Variants in COL18A1 observed in about 807,000 individuals in gnomAD.
The protein encoded by COL18A1 is collagen type XVIII alpha 1 chain, also known as collagen alpha-1(XVIII) chain.
COL18A1 carries 133 observed loss-of-function variants against 168.0 expected under a neutral mutation model. The ratio of observed to expected loss-of-function variants is 0.79; its 90% CI spans 0.69 to 0.91. COL18A1 has a LOEUF of 0.91. COL18A1 is among the 40% of genes least tolerant of loss of function. The pLI, the probability that COL18A1 is intolerant of heterozygous loss-of-function variation, is 0.00. For synonymous variants in COL18A1, 949 were observed against 809.0 expected (o/e 1.17, Z -2.94); for missense variants, 2,126 against 1,925.4 (o/e 1.10, Z -1.95).
intron 29 of COL18A1, chr21:45,496,159 T>C (rs2036537255): frequency 2.1e-6 from 1 of 469,770 alleles, no homozygotes; most frequent in Non-Finnish European, 4.0e-6. Flanking sequence ...CCCAAAGGTG[T>C]CCACTCTGCT....
In COL18A1 at chr21:45,509,589, C is replaced by A; in HGVS notation, c.3483C>A (p.Asp1161Glu). 6.6e-7 allele frequency: 1 copy of A among 1,506,098 alleles called. No individual in the cohort carries two copies. Among genetic ancestry groups the A allele is most frequent in the Non-Finnish European group, 8.9e-7 (1 of 1,125,112 alleles). 93.3% of individuals were successfully genotyped at this position (1,506,098 alleles called of 1,614,324 possible). The change falls in exon 39 of 42, where the codon GAC becomes GAA. Residue 1161 changes from aspartate to glutamate, a missense_variant. Asp to Glu is a conservative substitution (Grantham distance 45, BLOSUM62 2). Transcript: ENST00000651438. Reference protein sequence around the residue: ...PTSPPAHSHRDFQPVLHLVAL... With the variant: ...PTSPPAHSHREFQPVLHLVAL... ...GCCCACCCGCCCACAGCCACCGCGACTTCCAGCCGGTGGTGAGTGCCCCCC... is the reference window on the plus strand; with the variant it reads ...GCCCACCCGCCCACAGCCACCGCGAATTCCAGCCGGTGGTGAGTGCCCCCC...
Position 45,453,975 on chromosome 21 carries a change from C to T in COL18A1, c.107-14267C>T, listed in dbSNP as rs147641145. Among the ~76,000 whole-genome samples, 921 of 152,242 alleles carry T rather than the reference C, an allele frequency of 6.0e-3. 14 individuals carry two copies. The highest frequency in any genetic ancestry group is 0.017 in the South Asian group (81 of 4,826). On this transcript the variant is annotated intron_variant, in intron 2 of 41. Transcript: ENST00000651438. ...ACAACAGAGTTCCCTTCCTGAGATG[C>T]GCTGGTGGAGGAGGGGGCAGTCTCT...
At chr21:45,439,881 C>T (rs2034321723) in intron 2 of COL18A1, among the ~76,000 whole-genome samples, 3 of 152,262 alleles carry the variant, frequency 2.0e-5, no homozygotes, top group African/African-American at 7.2e-5. Context: ...GTGAATGTAG[C>T]AAGGAGTGGG....
chr21:45,444,037 G>A (rs2145824527), intron 2 of COL18A1, among the ~76,000 whole-genome samples: 1 of 152,330 alleles, frequency 6.6e-6, no homozygotes, highest in South Asian at 2.1e-4. Flanking sequence ...CCTCTGTGGG[G>A]AACGTGCTTC....
rs2035532440 is a variant in COL18A1, at chr21:45,473,772, C to T, written c.652-123C>T. 1.2e-6 allele frequency: 1 copy of T among 818,878 alleles called. No individual in the cohort carries two copies. Among genetic ancestry groups the T allele is most frequent in the Admixed American group, 2.0e-5 (1 of 49,988 alleles). 50.7% of individuals were successfully genotyped at this position (818,878 alleles called of 1,614,324 possible). A position where few individuals can be genotyped will look rare whatever the true frequency, so the allele number is the denominator to read the frequency against. On this transcript the variant is annotated intron_variant, in intron 3 of 41. Coordinates refer to ENST00000651438, the MANE Select transcript of COL18A1 (RefSeq NM_001379500.1). The surrounding 1 kb of genome is among the most constrained non-coding windows in gnomAD (Gnocchi z 4.0). The stretch of plus-strand genomic sequence containing the variant: ...CACCCCCAGGGAGGCTGCCCGAGAC[C>T]CCTTCCCTCTCCGAGACTCTCCTGC...
chr21:45,480,062 G>A lies in COL18A1; in HGVS notation c.1312-8G>A. The A allele has an allele frequency of 1.2e-6, 2 of 1,611,426 alleles. No individual in the cohort carries two copies. The highest frequency in any genetic ancestry group is 1.3e-5 in the African/African-American group (1 of 74,884). ...CCAGGGTATGATAGGCTTGTCTTGT[G>A]TTCCCAGGGAGACCCTGGGGTTGGA... On this transcript the variant is annotated splice_polypyrimidine_tract_variant and splice_region_variant and intron_variant, in intron 10 of 41. Transcript: ENST00000651438.
chr21:45,422,586 GGGT>G, intron 2 of COL18A1: 1 of 464,202 alleles, frequency 2.2e-6, no homozygotes, highest in Non-Finnish European at 4.5e-6. Context: ...CGTCCTGTGC[GGGT>G]CTCAGGGCAC....
rs1056027955 is a variant in COL18A1, at chr21:45,425,749, C to T, written c.106+20276C>T. On this transcript the variant is annotated intron_variant, in intron 2 of 41. Coordinates refer to ENST00000651438, the MANE Select transcript of COL18A1 (RefSeq NM_001379500.1). The surrounding 1 kb of genome is among the most constrained non-coding windows in gnomAD (Gnocchi z 4.1). Reference sequence around the variant, plus strand: ...GGGGCCTGTGGTGACCCCCATCCTCCCCAGGGTGGTCTGGCAGGGGACACT... The same window carrying T: ...GGGGCCTGTGGTGACCCCCATCCTCTCCAGGGTGGTCTGGCAGGGGACACT... 2.6e-5 allele frequency among the ~76,000 whole-genome samples: 4 copies of T among 152,182 alleles called. No individual in the cohort carries two copies. The highest frequency in any genetic ancestry group is 1.3e-4 in the Admixed American group (2 of 15,278).
At chr21:45,484,804 G>A (rs1463475494) in intron 15 of COL18A1, among the ~76,000 whole-genome samples, 1 of 152,176 alleles carries the variant, frequency 6.6e-6, no homozygotes, top group Non-Finnish European at 1.5e-5. Flanking sequence ...ACGTACACAT[G>A]TAGGCTTTGA....
At chr21:45,456,808 C>T in intron 2 of COL18A1, 1 of 1,536,414 alleles carries the variant, frequency 6.5e-7, no homozygotes, top group Non-Finnish European at 8.8e-7. Context: ...TGGGCGGGGG[C>T]CGGCTGCCCG....
At chr21:45,430,311 G>T (rs529051220) in intron 2 of COL18A1, among the ~76,000 whole-genome samples, 9 of 151,888 alleles carry the variant, frequency 5.9e-5, no homozygotes, top group South Asian at 4.2e-4. Context: ...ACTCTGTGGT[G>T]GTCAGAGCTA....
intron 2 of COL18A1, among the ~76,000 whole-genome samples, chr21:45,416,533 C>T (rs1415635295): frequency 2.0e-5 from 3 of 152,162 alleles, no homozygotes; most frequent in African/African-American, 7.2e-5. Flanking sequence ...TCTCCTGGGC[C>T]TCGGTCCGTC....
At position 45,425,347 on chromosome 21, in the gene COL18A1, G is replaced by A. The variant is rs1484478595; in HGVS notation, c.106+19874G>A. ...TGTCTCCCTGGACACGCCTGTCAGA[G>A]CCCCAGACTGGGCTCCCCTGGAGGA... is the stretch of plus-strand genomic sequence containing the variant. On this transcript the variant is annotated intron_variant, in intron 2 of 41. Coordinates refer to ENST00000651438, the MANE Select transcript of COL18A1 (RefSeq NM_001379500.1). The surrounding 1 kb of genome is among the most constrained non-coding windows in gnomAD (Gnocchi z 4.1). Among the ~76,000 whole-genome samples, 1 of 152,196 alleles carries A rather than the reference G, an allele frequency of 6.6e-6. No individual in the cohort carries two copies. Among genetic ancestry groups the A allele is most frequent in the East Asian group, 1.9e-4 (1 of 5,184 alleles).
chr21:45,472,386 G>A (rs2145904037), intron 3 of COL18A1, among the ~76,000 whole-genome samples: 1 of 152,316 alleles, frequency 6.6e-6, no homozygotes, highest in Admixed American at 6.5e-5. Context: ...ACCAGGCCAG[G>A]CTGATTTTTT....
chr21:45,461,006 T>C (rs563741493), intron 2 of COL18A1, among the ~76,000 whole-genome samples: 1 of 152,300 alleles, frequency 6.6e-6, no homozygotes, highest in South Asian at 2.1e-4. Context: ...TTTTTGTATA[T>C]ATCTAAGGTC....
Position 45,473,062 on chromosome 21 carries a change from C to T in COL18A1, c.652-833C>T, listed in dbSNP as rs1360512648. 6.6e-6 allele frequency among the ~76,000 whole-genome samples: 1 copy of T among 152,214 alleles called. No homozygotes were observed. Among genetic ancestry groups the T allele is most frequent in the East Asian group, 1.9e-4 (1 of 5,188 alleles). ...AGAACCCGCAGTGCGGCCAGTGGAG[C>T]CCCTGGTACTGTGCGCAGCCCCCAC... On this transcript the variant is annotated intron_variant, in intron 3 of 41. Transcript: ENST00000651438. The surrounding 1 kb of genome is among the most constrained non-coding windows in gnomAD (Gnocchi z 4.0).
chr21:45,511,207 G>A lies in COL18A1; in HGVS notation c.3790G>A (p.Val1264Ile), dbSNP rs202104330. Residue 1264 changes from valine to isoleucine, a missense_variant, in exon 41 of 42, where the codon GTC (valine) becomes ATC (isoleucine). Transcript: ENST00000651438. ...ARIFSFDGKD[V>I]LRHPTWPQKS... The stretch of plus-strand genomic sequence containing the variant: ...CATCTTCTCCTTTGACGGCAAGGAC[G>A]TCCTGAGGCACCCCACCTGGTAGGT... The A allele has an allele frequency of 1.3e-4, 202 of 1,585,802 alleles. No homozygotes were observed. Among genetic ancestry groups the A allele is most frequent in the South Asian group, 1.7e-4 (15 of 87,498 alleles).
intron 2 of COL18A1, among the ~76,000 whole-genome samples, chr21:45,426,193 C>G (rs2033793700): frequency 6.6e-6 from 1 of 152,112 alleles, no homozygotes. Flanking sequence ...CAACCTCTAC[C>G]TCCCGGGTTC....
At chr21:45,437,326 A>T (rs575447505) in intron 2 of COL18A1, among the ~76,000 whole-genome samples, 6 of 115,192 alleles carry the variant, frequency 5.2e-5, no homozygotes, top group African/African-American at 4.3e-5. Flanking sequence ...TCCTGCACAC[A>T]CACACACTCA....
Sources: gnomAD v4.1 joint callset for allele counts (sites outside exome capture counted in the v4.1 genomes callset) on GRCh38, gnomAD v4.1.1 for gene constraint, Gnocchi (gnomAD v3.1) non-coding constraint, MANE v1.5 for transcripts, NCBI Gene and HGNC (gene_info 2026-07-23, HGNC 2026-07-21) for gene names.